AFF2: variants seen among roughly 807,000 people sequenced by gnomAD.
AFF2 encodes the protein ALF transcription elongation factor 2, also known as AF4/FMR2 family member 2.
Under a neutral mutation model 76.9 loss-of-function variants are expected in AFF2, and 14 were observed. The ratio of observed to expected loss-of-function variants is 0.18; its 90% CI spans 0.12 to 0.28. The LOEUF is 0.28. AFF2 is among the 10% of genes least tolerant of loss of function. The pLI is 1.00. For missense variants in AFF2, 868 were observed against 1,001.1 expected, an observed-to-expected ratio of 0.87 and a Z score of 1.79; for synonymous variants, 398 against 366.7, an observed-to-expected ratio of 1.09 and a Z score of -0.98.
chrX:148,665,521 C>G (rs1275411214), intron 3 of AFF2, among the ~76,000 whole-genome samples: 2 of 111,382 alleles, frequency 1.8e-5, no homozygotes, highest in South Asian at 3.8e-4. Context: ...GGGGCATATA[C>G]AGAACCCAAG....
At chrX:148,739,925 A>G (rs1042851966) in intron 3 of AFF2, among the ~76,000 whole-genome samples, 1 of 111,869 alleles carries the variant, frequency 8.9e-6, no homozygotes, top group Non-Finnish European at 1.9e-5. Flanking sequence ...TTCACTGGAT[A>G]CAAAATTCTT....
chrX:148,821,129 G>T (rs1557272501), intron 4 of AFF2, among the ~76,000 whole-genome samples: 1 of 111,499 alleles, frequency 9.0e-6, no homozygotes, highest in Non-Finnish European at 1.9e-5. Context: ...AGACAGTAGA[G>T]CTCAGCTCTT....
intron 2 of AFF2, among the ~76,000 whole-genome samples, chrX:148,652,799 A>G (rs1453160909): frequency 1.8e-5 from 2 of 111,537 alleles, no homozygotes; most frequent in Non-Finnish European, 3.8e-5. Context: ...TGAACTTTCT[A>G]TTTGGGGTAG....
intron 1 of AFF2, among the ~76,000 whole-genome samples, chrX:148,564,609 T>G (rs1369812661): frequency 4.5e-5 from 5 of 111,124 alleles, no homozygotes; most frequent in African/African-American, 1.6e-4. Flanking sequence ...TGCTTACTCT[T>G]CTGTGCCTTT....
chrX:148,583,184 T>A (rs1400327144), intron 1 of AFF2, among the ~76,000 whole-genome samples: 4 of 111,613 alleles, frequency 3.6e-5, no homozygotes, highest in Non-Finnish European at 7.5e-5. Context: ...ATGGTTATGG[T>A]TCCATAACCT....
rs1311520617 is a variant in AFF2 at position 148,995,067 on chromosome X, T to G, written c.*3735T>G. 1 of 112,162 alleles carries G rather than the reference T, an allele frequency of 8.9e-6. No homozygotes were observed. The highest frequency in any genetic ancestry group is 1.9e-5 in the Non-Finnish European group (1 of 53,165). The allele number at this position is 112,162 out of a possible 1,213,427, so 9.2% of individuals were successfully genotyped here. Reference sequence around the variant, plus strand: ...TCAATTCAGCACCCCCAAATTTAATTCTGTGGGGAAAAATTATTGAGCCAG... The same window carrying G: ...TCAATTCAGCACCCCCAAATTTAATGCTGTGGGGAAAAATTATTGAGCCAG... On this transcript the variant is annotated 3_prime_UTR_variant, in exon 21 of 21. Coordinates refer to ENST00000370460, the MANE Select transcript of AFF2 (RefSeq NM_002025.4).
At chrX:148,854,679 T>C (rs985716160) in intron 7 of AFF2, among the ~76,000 whole-genome samples, 2 of 111,622 alleles carry the variant, frequency 1.8e-5, no homozygotes, top group Non-Finnish European at 3.8e-5. Flanking sequence ...ATCATATTGA[T>C]GCTCCCAGAG....
At chrX:148,734,975 C>T (rs1359706888) in intron 3 of AFF2, among the ~76,000 whole-genome samples, 2 of 111,897 alleles carry the variant, frequency 1.8e-5, no homozygotes, top group East Asian at 5.7e-4. Flanking sequence ...ACTAGAACTT[C>T]ACCTTGAAGA....
chrX:148,830,380 C>G lies in AFF2; in HGVS notation c.1087-7267C>G, dbSNP rs782525115. 8.4e-4 allele frequency among the ~76,000 whole-genome samples: 94 copies of G among 112,336 alleles called. 2 individuals carry two copies. The highest frequency in any genetic ancestry group is 2.9e-3 in the African/African-American group (91 of 30,957). ...AGCAGCCTGTGCAGATCACATCCAG[C>G]CCCCTGAATCCTTTTACAAATGGCT... On this transcript the variant is annotated intron_variant, in intron 4 of 20. Transcript: ENST00000370460.
At chrX:148,601,000 A>G (rs782596136) in intron 1 of AFF2, among the ~76,000 whole-genome samples, 1 of 112,784 alleles carries the variant, frequency 8.9e-6, no homozygotes, top group African/African-American at 3.2e-5. Flanking sequence ...GTGGCATGAA[A>G]TGATATAAAA....
intron 19 of AFF2, among the ~76,000 whole-genome samples, chrX:148,985,079 A>G (rs1557291296): frequency 4.6e-5 from 5 of 109,052 alleles, no homozygotes; most frequent in Admixed American, 3.0e-4. Flanking sequence ...CTGCCTTCTC[A>G]GATCAAGTGA....
chrX:148,611,486 T>C (rs1434929065), intron 1 of AFF2, among the ~76,000 whole-genome samples: 1 of 111,687 alleles, frequency 9.0e-6, no homozygotes, highest in Non-Finnish European at 1.9e-5. Flanking sequence ...AGTTCAGAAA[T>C]CTAAAATGGG....
At chrX:148,808,933 A>G (rs2070169860) in intron 3 of AFF2, among the ~76,000 whole-genome samples, 3 of 111,508 alleles carry the variant, frequency 2.7e-5, no homozygotes, top group Admixed American at 1.9e-4. Flanking sequence ...AGGCCTGGGC[A>G]ATGTCGATGT....
At chrX:148,591,882 T>C (rs1166335752) in intron 1 of AFF2, among the ~76,000 whole-genome samples, 1 of 112,468 alleles carries the variant, frequency 8.9e-6, no homozygotes. Context: ...TCAACTGCAT[T>C]TCTTGTTTTC....
chrX:148,714,307 G>A (rs1476843365), intron 3 of AFF2, among the ~76,000 whole-genome samples: 3 of 111,776 alleles, frequency 2.7e-5, no homozygotes, highest in African/African-American at 9.7e-5. Flanking sequence ...GTAAGATTTA[G>A]GGTATGTGTC....
At position 148,685,017 on chromosome X, in the gene AFF2, G is replaced by A. The variant is rs782048243; in HGVS notation, c.1041+22249G>A. Among the ~76,000 whole-genome samples, 64 of 112,366 alleles carry A rather than the reference G, an allele frequency of 5.7e-4. 1 individual carries two copies. Among genetic ancestry groups the A allele is most frequent in the Non-Finnish European group, 1.1e-3 (58 of 53,244 alleles). On this transcript the variant is annotated intron_variant, in intron 3 of 20. Transcript: ENST00000370460. Reference sequence around the variant, plus strand: ...TTTTAGTGTTTAAGGAGAAAGCAATGCTTTTTGATCTAAGTAGCATAACTC... The same window carrying A: ...TTTTAGTGTTTAAGGAGAAAGCAATACTTTTTGATCTAAGTAGCATAACTC...
At position 148,616,299 on chromosome X, in the gene AFF2, G is replaced by A. The variant is rs1010531812; in HGVS notation, c.48-35700G>A. ...GTCATTGAACTTCTCTTTGCAGCTG[G>A]CTTCTTTAACTCATAAAAATGAAAA... is the stretch of plus-strand genomic sequence containing the variant. On this transcript the variant is annotated intron_variant, in intron 1 of 20. Coordinates refer to ENST00000370460, the MANE Select transcript of AFF2 (RefSeq NM_002025.4). Among the ~76,000 whole-genome samples, 10 of 111,508 alleles carry A rather than the reference G, an allele frequency of 9.0e-5. No individual in the cohort carries two copies. The East Asian group carries it at 2.6e-3, about 29-fold the overall frequency.
intron 1 of AFF2, among the ~76,000 whole-genome samples, chrX:148,616,133 A>G (rs2053798056): frequency 9.0e-6 from 1 of 111,291 alleles, no homozygotes; most frequent in Admixed American, 9.5e-5. Flanking sequence ...CCCCTCCTCA[A>G]TGAGCGAGGG....
At chrX:148,853,687 G>A (rs1460826403) in intron 7 of AFF2, among the ~76,000 whole-genome samples, 1 of 111,385 alleles carries the variant, frequency 9.0e-6, no homozygotes, top group Non-Finnish European at 1.9e-5. Context: ...GCTAATCTTG[G>A]CCATTATTTT....
Sources: gnomAD v4.1 joint callset for allele counts (sites outside exome capture counted in the v4.1 genomes callset) on GRCh38, gnomAD v4.1.1 for gene constraint, MANE v1.5 for transcripts, NCBI Gene and HGNC (gene_info 2026-07-23, HGNC 2026-07-21) for gene names.